The following KLRG1 variants were observed in gnomAD, a reference collection of about 807,000 sequenced individuals.
The protein encoded by KLRG1 is killer cell lectin like receptor G1.
A neutral mutation model predicts 21.8 loss-of-function variants in KLRG1; 16 were observed. The observed-to-expected ratio is 0.73, with a 90% CI of 0.50 to 1.11. The LOEUF (loss-of-function observed/expected upper bound fraction) is 1.11, where lower values mean the gene tolerates loss of function less well. KLRG1 is among the 50% of genes most tolerant of loss of function. The pLI, the probability that KLRG1 is intolerant of heterozygous loss-of-function variation, is 0.00. For synonymous variants in KLRG1, 69 were observed against 75.9 expected (o/e 0.91, Z 0.47); for missense variants, 173 against 218.3 (o/e 0.79, Z 1.31).
At chr12:9,194,037 C>G in the KLRG1 span, 13 of 1,562,264 alleles carry the variant, frequency 8.3e-6, no homozygotes, top group African/African-American at 1.6e-4. Flanking sequence ...CTGTTCCTAA[C>G]ATTTCCTTTG....
the KLRG1 span, chr12:9,201,248 A>G: frequency 1.0e-5 from 14 of 1,352,698 alleles, no homozygotes; most frequent in Admixed American, 2.5e-4. Context: ...AAAGTAGTTC[A>G]TCTGTCTAGA....
At chr12:8,968,075 G>T (rs751600922) in intron 1 of KLRG1, among the ~76,000 whole-genome samples, 1 of 152,142 alleles carries the variant, frequency 6.6e-6, no homozygotes, top group East Asian at 1.9e-4. Flanking sequence ...GTTTAAAAAA[G>T]AAAATGAACA....
chr12:9,029,086 AC>A, the KLRG1 span: 1 of 449,604 alleles, frequency 2.2e-6, no homozygotes, highest in South Asian at 2.8e-5. Context: ...TCAGACTTAG[AC>A]ATGACGGCAG....
At chr12:8,992,169 T>C (rs1330843194) in intron 1 of KLRG1, 37 bp from the exon 2 acceptor site, 1 of 1,534,878 alleles carries the variant, frequency 6.5e-7, no homozygotes, top group African/African-American at 1.4e-5. Context: ...CAACCTGTCA[T>C]CTGACTCAGG....
At chr12:9,077,952 A>G in the KLRG1 span, 1 of 1,466,060 alleles carries the variant, frequency 6.8e-7, no homozygotes, top group Non-Finnish European at 9.4e-7. Flanking sequence ...GAGTTAGCTA[A>G]CAAAATTCTT....
the KLRG1 span, among the ~76,000 whole-genome samples, chr12:9,203,462 CT>C: frequency 6.6e-6 from 1 of 151,838 alleles, no homozygotes; most frequent in African/African-American, 2.4e-5. Flanking sequence ...CTGCCTCAGC[CT>C]CCCAGGTAGC....
the KLRG1 span, chr12:9,077,031 A>G: frequency 8.0e-7 from 1 of 1,246,464 alleles, no homozygotes; most frequent in East Asian, 2.4e-5. Context: ...AAGTTTTTCA[A>G]ACGCATTTTT....
the KLRG1 span, chr12:9,204,007 T>C: frequency 0.13 from 188,834 of 1,468,546 alleles, 12,990 homozygotes; most frequent in South Asian, 0.2. Flanking sequence ...AGCGTTTTCA[T>C]CCATAAATGT....
chr12:9,139,511 A>G, the KLRG1 span, among the ~76,000 whole-genome samples: 2 of 152,206 alleles, frequency 1.3e-5, no homozygotes, highest in Non-Finnish European at 2.9e-5. Context: ...TGATGTATCC[A>G]TTATTGCAAA....
chr12:9,180,820 AGCT>A, the KLRG1 span, among the ~76,000 whole-genome samples: 2 of 152,230 alleles, frequency 1.3e-5, no homozygotes, highest in East Asian at 3.8e-4. Context: ...TAAACTAAAG[AGCT>A]TCTGCACAGC....
the KLRG1 span, among the ~76,000 whole-genome samples, chr12:9,021,543 G>T: frequency 4.6e-5 from 7 of 150,942 alleles, no homozygotes; most frequent in African/African-American, 1.7e-4. Context: ...TGGGCCTACA[G>T]GCGCACGCCA....
In KLRG1 at chr12:8,989,801, G is replaced by C. The variant is rs936772531; in HGVS notation, c.82+84G>C. ...TGGGGAGTAGAATAAGTTTAAAGCA[G>C]AGGGTGCAGAAGAATTGAGGATAAT... On this transcript the variant is annotated intron_variant, in intron 1 of 4. Transcript: ENST00000356986. 3.9e-6 allele frequency: 3 copies of C among 773,860 alleles called. No individual in the cohort carries two copies. The African/African-American group carries it at 5.2e-5, about 13-fold the overall frequency. The allele number at this position is 773,860 out of a possible 1,614,324, so 47.9% of individuals were successfully genotyped here.
the KLRG1 span, chr12:9,163,739 A>G: frequency 6.2e-7 from 1 of 1,613,916 alleles, no homozygotes; most frequent in African/African-American, 1.3e-5. Flanking sequence ...TCATTTCCAC[A>G]GAGTTCTAAG....
chr12:8,996,077 C>CCTTAA (rs1947122346), intron 3 of KLRG1, among the ~76,000 whole-genome samples: 2 of 152,108 alleles, frequency 1.3e-5, no homozygotes, highest in Non-Finnish European at 2.9e-5. Flanking sequence ...AAAAGTTTTC[C>CCTTAA]CTTAATTCAC....
At chr12:9,168,588 T>C in the KLRG1 span, 3 of 302,230 alleles carry the variant, frequency 9.9e-6, no homozygotes, top group Non-Finnish European at 1.8e-5. Context: ...TCAGAATTAC[T>C]CTTTCTTTCC....
At chr12:9,152,892 C>T in the KLRG1 span, 1 of 1,614,068 alleles carries the variant, frequency 6.2e-7, no homozygotes. Flanking sequence ...GCACAGTCTG[C>T]ACTTTTAAAG....
In KLRG1 at chr12:8,998,793, A is replaced by G. The variant is rs777868085; in HGVS notation, c.357+3505A>G. Among the ~76,000 whole-genome samples, 5 of 152,224 alleles carry G rather than the reference A, an allele frequency of 3.3e-5. No homozygotes were observed. The South Asian group carries it at 6.2e-4, about 19-fold the overall frequency. On this transcript the variant is annotated intron_variant, in intron 3 of 4. Coordinates refer to ENST00000356986, the MANE Select transcript of KLRG1 (RefSeq NM_005810.4). ...CATTTTGCATATGTTCAACAAGACA[A>G]CTTTTTCTACTAATTGTCTTCTGGT...
chr12:9,194,045 T>C, the KLRG1 span: 1 of 1,581,044 alleles, frequency 6.3e-7, no homozygotes, highest in Non-Finnish European at 8.7e-7. Context: ...AACATTTCCT[T>C]TGTCCTCAGA....
intron 1 of KLRG1, among the ~76,000 whole-genome samples, chr12:8,990,507 G>T (rs1233227722): frequency 6.6e-6 from 1 of 151,924 alleles, no homozygotes; most frequent in Admixed American, 6.6e-5. Flanking sequence ...GCCTTAATTT[G>T]CTAAATCATT....
Sources: gnomAD v4.1 joint callset for allele counts (sites outside exome capture counted in the v4.1 genomes callset) on GRCh38, gnomAD v4.1.1 for gene constraint, MANE v1.5 for transcripts, NCBI Gene and HGNC (gene_info 2026-07-23, HGNC 2026-07-21) for gene names.